Variants in MDFI observed in about 807,000 individuals in gnomAD.
MDFI encodes the protein inhibitor of MyoD family a.
A neutral mutation model predicts 22.3 loss-of-function variants in MDFI; 16 were observed. The observed-to-expected ratio is 0.72, with a 90% CI of 0.49 to 1.09. MDFI has a LOEUF of 1.09. MDFI is among the 50% of genes least tolerant of loss of function. MDFI has a pLI of 0.00. For synonymous variants in MDFI, 145 were observed against 142.7 expected, an observed-to-expected ratio of 1.02 and a Z score of -0.12; for missense variants, 314 against 326.1, an observed-to-expected ratio of 0.96 and a Z score of 0.29.
chr6:41,645,878 C>T (rs1362015266), intron 2 of MDFI, among the ~76,000 whole-genome samples: 9 of 152,300 alleles, frequency 5.9e-5, no homozygotes, highest in Non-Finnish European at 1.3e-4. Context: ...CTGCCCCTCC[C>T]GACACCACAT....
chr6:41,639,346 C>A, intron 2 of MDFI: 1 of 985,414 alleles, frequency 1.0e-6, no homozygotes, highest in South Asian at 4.7e-5. Flanking sequence ...CGCCTTCCTT[C>A]CCTCTCGTGC....
intron 2 of MDFI, among the ~76,000 whole-genome samples, chr6:41,642,263 C>T (rs746957087): frequency 6.6e-6 from 1 of 152,200 alleles, no homozygotes; most frequent in Non-Finnish European, 1.5e-5. Flanking sequence ...ACTTCAGCCA[C>T]ATCCGCTCAC....
chr6:41,651,969 G>C (rs906588950), intron 4 of MDFI, among the ~76,000 whole-genome samples: 1 of 152,238 alleles, frequency 6.6e-6, no homozygotes, highest in African/African-American at 2.4e-5. Flanking sequence ...AACAAAATGG[G>C]CAAAGATGCC....
chr6:41,641,313 A>T (rs1767846210), intron 2 of MDFI, among the ~76,000 whole-genome samples: 1 of 152,238 alleles, frequency 6.6e-6, no homozygotes, highest in Non-Finnish European at 1.5e-5. Flanking sequence ...GTAATTAACA[A>T]GAGGGAACAC....
At chr6:41,646,407 C>G (rs1478825322) in intron 3 of MDFI, 99 bp downstream of exon 3, 1 of 1,114,544 alleles carries the variant, frequency 9.0e-7, no homozygotes, top group Non-Finnish European at 1.2e-6. Flanking sequence ...ACCCGCTTGG[C>G]CAGAACCTTG....
At chr6:41,639,108 AC>A in intron 2 of MDFI, 1 of 532,384 alleles carries the variant, frequency 1.9e-6, no homozygotes, top group Non-Finnish European at 2.4e-6. Context: ...AAACACACAC[AC>A]ATACACTCCG....
intron 4 of MDFI, chr6:41,650,078 T>C: frequency 2.0e-6 from 1 of 488,978 alleles, no homozygotes; most frequent in South Asian, 3.4e-5. Context: ...TGGGTAAAGG[T>C]GTACCTGCCT....
At chr6:41,643,548 G>GGGAAGGAAGGAAGGAAGGAAGGAAGGAA (rs768210940) in intron 2 of MDFI, among the ~76,000 whole-genome samples, 906 of 75,276 alleles carry the variant, frequency 0.012, 29 homozygotes, top group East Asian at 0.034. Flanking sequence ...GAGGGAAGGA[G>GGGAAGGAAGGAAGGAAGGAAGGAAGGAA]GGAAGGAAGG....
upstream of MDFI, chr6:41,637,364 C>G (rs1767678118): frequency 6.6e-6 from 1 of 152,182 alleles, no homozygotes; most frequent in Non-Finnish European, 1.5e-5. This position sits in a 1 kb window ranked among gnomAD's most constrained non-coding sequence, Gnocchi z 6.8. Context: ...CTTCCAGACC[C>G]GGCTGGACTC....
In MDFI at chr6:41,654,039, A is replaced by C; in HGVS notation, c.*464A>C. ...AAAAATGTGAAGAGACGCCCCACCC[A>C]CCCTCAGCCAGCCCTCTCCAGTCTC... On this transcript the variant is annotated 3_prime_UTR_variant, in exon 5 of 5. Coordinates refer to ENST00000230321, the MANE Select transcript of MDFI (RefSeq NM_005586.4). 5.1e-6 allele frequency: 1 copy of C among 195,658 alleles called. No individual in the cohort carries two copies. The highest frequency in any genetic ancestry group is 1.1e-5 in the Non-Finnish European group (1 of 93,974). 12.1% of individuals were successfully genotyped at this position (195,658 alleles called of 1,614,324 possible). A position where few individuals can be genotyped will look rare whatever the true frequency, so the allele number is the denominator to read the frequency against.
chr6:41,648,709 C>T (rs1768147694), intron 3 of MDFI, among the ~76,000 whole-genome samples: 3 of 152,178 alleles, frequency 2.0e-5, no homozygotes, highest in African/African-American at 7.2e-5. Context: ...TCAGTGACCC[C>T]TCTTCAGTCC....
In MDFI at chr6:41,638,974, C is replaced by T; in HGVS notation, c.76+149C>T. The T allele has an allele frequency of 2.0e-6, 2 of 992,918 alleles. No homozygotes were observed. Among genetic ancestry groups the T allele is most frequent in the Non-Finnish European group, 1.4e-6 (1 of 695,236 alleles). 61.5% of individuals were successfully genotyped at this position (992,918 alleles called of 1,614,324 possible). ...GGGACGAAAAGTCTGGGTTTGAGGA[C>T]TTGGTCCAAGGAGAGTAGGGGGCTG... On this transcript the variant is annotated intron_variant, in intron 2 of 4. Coordinates refer to ENST00000230321, the MANE Select transcript of MDFI (RefSeq NM_005586.4). This position sits in a 1 kb window ranked among gnomAD's most constrained non-coding sequence, Gnocchi z 7.6.
chr6:41,640,304 C>T (rs1767804652), intron 2 of MDFI, among the ~76,000 whole-genome samples: 1 of 152,180 alleles, frequency 6.6e-6, no homozygotes, highest in Non-Finnish European at 1.5e-5. Flanking sequence ...GCTCTCCCTC[C>T]ACTACCTCCT....
rs1035165145 is a variant in MDFI at position 41,653,229 on chromosome 6, G to A, written c.485-90G>A. 8 of 1,347,044 alleles carry A rather than the reference G, an allele frequency of 5.9e-6. No individual in the cohort carries two copies. The highest frequency in any genetic ancestry group is 2.3e-5 in the East Asian group (1 of 43,436). 83.4% of individuals were successfully genotyped at this position (1,347,044 alleles called of 1,614,324 possible). A position where few individuals can be genotyped will look rare whatever the true frequency, so the allele number is the denominator to read the frequency against. ...AACACTCAGCGTCCCTGCTGCTGCC[G>A]CTGCCGCAGGCCCCCACACCCCCGG... On this transcript the variant is annotated intron_variant, in intron 4 of 4. Transcript: ENST00000230321. The surrounding 1 kb of genome is among the most constrained non-coding windows in gnomAD (Gnocchi z 4.2).
At chr6:41,644,224 G>A (rs1337774009) in intron 2 of MDFI, among the ~76,000 whole-genome samples, 1 of 152,176 alleles carries the variant, frequency 6.6e-6, no homozygotes, top group Non-Finnish European at 1.5e-5. Flanking sequence ...ACCCAGCTAA[G>A]AGGGGAGCTC....
upstream of MDFI, among the ~76,000 whole-genome samples, chr6:41,637,503 G>A (rs567111745): frequency 6.6e-6 from 1 of 152,136 alleles, no homozygotes; most frequent in South Asian, 2.1e-4. The surrounding 1 kb of genome is among the most constrained non-coding windows in gnomAD (Gnocchi z 6.8). Flanking sequence ...TCACCCCAGG[G>A]GGCTGCCCCA....
At chr6:41,643,425 C>T (rs921560460) in intron 2 of MDFI, among the ~76,000 whole-genome samples, 2 of 151,988 alleles carry the variant, frequency 1.3e-5, no homozygotes, top group South Asian at 2.1e-4. Context: ...CCGAGAACTC[C>T]GAGGCAGTGA....
chr6:41,642,165 C>T (rs1026569939), intron 2 of MDFI, among the ~76,000 whole-genome samples: 56 of 152,118 alleles, frequency 3.7e-4, no homozygotes, highest in African/African-American at 1.2e-3. Context: ...GTGTGGCACC[C>T]GGTGCAGATT....
upstream of MDFI, among the ~76,000 whole-genome samples, chr6:41,637,777 A>G (rs1767694252): frequency 6.6e-6 from 1 of 152,118 alleles, no homozygotes; most frequent in African/African-American, 2.4e-5. The surrounding 1 kb of genome is among the most constrained non-coding windows in gnomAD (Gnocchi z 6.8). Flanking sequence ...TGGATCCCAA[A>G]GAAGGGCTGA....
Sources: allele counts gnomAD v4.1 joint callset (sites outside exome capture counted in the v4.1 genomes callset), GRCh38; gene constraint gnomAD v4.1.1; non-coding constraint Gnocchi (gnomAD v3.1); transcripts MANE v1.5; gene names NCBI Gene and HGNC (gene_info 2026-07-23, HGNC 2026-07-21).